Variants in CCDC93 observed in about 807,000 individuals in gnomAD.
CCDC93 encodes coiled-coil domain-containing protein 93.
A neutral mutation model predicts 108.2 loss-of-function variants in CCDC93; 61 were observed. The ratio of observed to expected loss-of-function variants is 0.56; its 90% CI spans 0.46 to 0.70. The LOEUF (loss-of-function observed/expected upper bound fraction) is 0.70. Among genes scored for constraint, CCDC93 ranks in the 30% least tolerant of loss-of-function variants. CCDC93 has a pLI of 0.00. For missense variants in CCDC93, 685 were observed against 764.2 expected, an observed-to-expected ratio of 0.90 and a Z score of 1.22; for synonymous variants, 276 against 260.4, an observed-to-expected ratio of 1.06 and a Z score of -0.58.
At chr2:117,925,807 G>A (rs1678067364) in intron 23 of CCDC93, among the ~76,000 whole-genome samples, 1 of 152,168 alleles carries the variant, frequency 6.6e-6, no homozygotes. Context: ...CAAATCAACA[G>A]AATATACATT....
In CCDC93 at chr2:117,920,200, G is replaced by C. The variant is rs1677813224; in HGVS notation, c.*143C>G. The C allele has an allele frequency of 1.8e-6, 1 of 556,300 alleles. No individual in the cohort carries two copies. The highest frequency in any genetic ancestry group is 3.1e-5 in the Admixed American group (1 of 32,634). The allele number at this position is 556,300 out of a possible 1,614,324, so 34.5% of individuals were successfully genotyped here. On this transcript the variant is annotated 3_prime_UTR_variant, in exon 24 of 24. Coordinates refer to ENST00000376300, the MANE Select transcript of CCDC93 (RefSeq NM_019044.5). ...GCCAACAGAGATGAATGGAAGCAAAGAGGAGAAAGAAAACATCCAGGTTGT... is the reference window on the plus strand; with the variant it reads ...GCCAACAGAGATGAATGGAAGCAAACAGGAGAAAGAAAACATCCAGGTTGT...
At chr2:117,947,406 G>A (rs932987263) in intron 15 of CCDC93, among the ~76,000 whole-genome samples, 1 of 152,054 alleles carries the variant, frequency 6.6e-6, no homozygotes, top group Non-Finnish European at 1.5e-5. Context: ...GCCAGAACAC[G>A]CATCACCCCC....
intron 12 of CCDC93, among the ~76,000 whole-genome samples, chr2:117,956,891 ATT>A (rs141216891): frequency 0.95 from 135,931 of 143,010 alleles, 64,750 homozygotes; most frequent in Middle Eastern, 1. Context: ...ACTGGTACCC[ATT>A]TTTTTTTTTT....
intron 2 of CCDC93, 52 bp from the exon 3 acceptor site, chr2:118,006,868 G>A (rs751949188): frequency 6.6e-6 from 7 of 1,062,874 alleles, no homozygotes; most frequent in Non-Finnish European, 8.8e-6. Context: ...TGGGGAGAAT[G>A]GAAGAAGTGG....
rs1443877103 is a variant in CCDC93 at position 118,013,981 on chromosome 2, C to T, written c.15G>A (p.Arg5=). The T allele has an allele frequency of 6.3e-7, 1 of 1,595,210 alleles. No individual in the cohort carries two copies. ...CCGGGAGACCCTGGCCCTCCGGCCC[C>T]CTGGGCAACCCCATGATCCGACCGG... The part of the protein sequence containing the change: MGLP[R]GPEGQGLPEV... The change falls in exon 1 of 24, where the codon AGG becomes AGA. Residue 5 remains arginine (R), a synonymous_variant. Transcript: ENST00000376300.
chr2:117,946,958 C>A (rs765548849), intron 15 of CCDC93, 76 bp from the exon 16 acceptor site: 257 of 1,088,456 alleles, frequency 2.4e-4, no homozygotes, highest in Non-Finnish European at 3.4e-4. Flanking sequence ...ATTTGGTCCA[C>A]AAGTCTTATT....
At chr2:118,006,859 G>T (rs751676959) in intron 2 of CCDC93, 43 bp from the exon 3 acceptor site, 40 of 1,261,708 alleles carry the variant, frequency 3.2e-5, no homozygotes, top group African/African-American at 5.9e-5. Context: ...TTTTTAGTTT[G>T]GGGAGAATGG....
At chr2:117,936,046 G>T (rs553754808) in intron 21 of CCDC93, among the ~76,000 whole-genome samples, 5 of 151,446 alleles carry the variant, frequency 3.3e-5, no homozygotes, top group African/African-American at 1.2e-4. Flanking sequence ...AAGAAAAGAA[G>T]CTTAAAATCT....
chr2:117,971,534 C>T (rs1232200388), intron 11 of CCDC93, among the ~76,000 whole-genome samples: 2 of 152,140 alleles, frequency 1.3e-5, no homozygotes, highest in Admixed American at 6.5e-5. Context: ...TGCCAGGCAC[C>T]GTTTGAGGCA....
chr2:117,988,912 A>G (rs1400927669), intron 6 of CCDC93, among the ~76,000 whole-genome samples: 8 of 152,186 alleles, frequency 5.3e-5, no homozygotes, highest in Admixed American at 1.3e-4. Flanking sequence ...AGTATGGCAC[A>G]AGCCCCACCT....
At chr2:117,966,065 A>G (rs542673130) in intron 11 of CCDC93, among the ~76,000 whole-genome samples, 1 of 152,348 alleles carries the variant, frequency 6.6e-6, no homozygotes, top group Admixed American at 6.5e-5. Context: ...TTTTGGGTCA[A>G]TTCCCTCCAA....
intron 1 of CCDC93, among the ~76,000 whole-genome samples, chr2:118,013,541 C>T (rs897675773): frequency 6.6e-6 from 1 of 152,388 alleles, no homozygotes; most frequent in Middle Eastern, 3.4e-3. Context: ...CGAGCCCGAA[C>T]CGCCTCGGAG....
At chr2:117,966,240 C>T (rs1205410497) in intron 11 of CCDC93, among the ~76,000 whole-genome samples, 1 of 152,186 alleles carries the variant, frequency 6.6e-6, no homozygotes, top group Non-Finnish European at 1.5e-5. Context: ...CAACAATGGG[C>T]CTGGGGAGAA....
In CCDC93 at chr2:117,946,303, T is replaced by A. The variant is rs562901885; in HGVS notation, c.1296+508A>T. ...AAATTCATGCTAGCTCCTTGGAAGA[T>A]CAAGTCCTCTGTTCAGAGAACCAGC... is the stretch of plus-strand genomic sequence containing the variant. On this transcript the variant is annotated intron_variant, in intron 16 of 23. Transcript: ENST00000376300. 3.3e-5 allele frequency among the ~76,000 whole-genome samples: 5 copies of A among 152,332 alleles called. No individual in the cohort carries two copies. In the East Asian group the frequency reaches 9.7e-4, roughly 29 times the overall value.
At chr2:117,995,606 C>T (rs534059454) in intron 5 of CCDC93, 104 bp from the exon 6 acceptor site, 3 of 879,468 alleles carry the variant, frequency 3.4e-6, no homozygotes, top group East Asian at 4.9e-5. Flanking sequence ...CTCATCACTA[C>T]TTTGCCTGAC....
intron 4 of CCDC93, among the ~76,000 whole-genome samples, chr2:118,000,491 G>C (rs1680810841): frequency 6.6e-6 from 1 of 152,080 alleles, no homozygotes; most frequent in African/African-American, 2.4e-5. Flanking sequence ...AAAGAACAAA[G>C]AAAAGCAAGG....
intron 22 of CCDC93, chr2:117,934,243 A>G (rs1678449097): frequency 6.6e-6 from 1 of 152,196 alleles, no homozygotes; most frequent in South Asian, 2.1e-4. Context: ...TATGAACCAG[A>G]GCAGCTTCCT....
At chr2:117,992,463 C>T (rs1184290659) in intron 6 of CCDC93, among the ~76,000 whole-genome samples, 2 of 152,068 alleles carry the variant, frequency 1.3e-5, no homozygotes, top group Non-Finnish European at 2.9e-5. Context: ...AGGCTGGTCT[C>T]GAACTCCTGG....
intron 23 of CCDC93, 200 bp downstream of exon 23, chr2:117,930,837 T>C (rs1678300702): frequency 2.0e-6 from 1 of 491,632 alleles, no homozygotes. Context: ...AAACATTTAA[T>C]TAGACCTCAA....
Sources: allele counts gnomAD v4.1 joint callset (sites outside exome capture counted in the v4.1 genomes callset), GRCh38; gene constraint gnomAD v4.1.1; transcripts MANE v1.5; gene names NCBI Gene and HGNC (gene_info 2026-07-23, HGNC 2026-07-21).